The following NF1 variants were observed in gnomAD, a reference collection of about 807,000 sequenced individuals.
NF1 encodes the protein neurofibromin.
In NF1, 122 loss-of-function variants were observed where a neutral mutation model predicts 325.7. That is an observed-to-expected ratio of 0.37 (90% confidence interval 0.32 to 0.44). The LOEUF is 0.44. NF1 is among the 20% of genes least tolerant of loss of function. NF1 has a pLI of 1.00. For missense variants in NF1, 2,140 were observed against 3,415.4 expected, an observed-to-expected ratio of 0.63 and a Z score of 9.31; for synonymous variants, 1,091 against 1,186.0, an observed-to-expected ratio of 0.92 and a Z score of 1.65.
chr17:31,350,881 A>G (rs1403224134), intron 50 of NF1, among the ~76,000 whole-genome samples: 2 of 152,306 alleles, frequency 1.3e-5, no homozygotes, highest in African/African-American at 2.4e-5. Context: ...TGTATTTTCA[A>G]TTAAATAAAA....
At position 31,358,589 on chromosome 17, in the gene NF1, T is replaced by A. The variant is rs876658554; in HGVS notation, c.8080T>A (p.Ser2694Thr). The A allele has an allele frequency of 6.2e-7, 1 of 1,613,958 alleles. No individual in the cohort carries two copies. The highest frequency in any genetic ancestry group is 8.5e-7 in the Non-Finnish European group (1 of 1,179,878). ...GCAGAGTGTGGTGTACCATGAAGAA[T>A]CCCCACCACAATACCAAACATCTTA... Reference protein sequence around the residue: ...IVQSVVYHEESPPQYQTSYLQ... With the variant: ...IVQSVVYHEETPPQYQTSYLQ... Residue 2694 changes from serine (S) to threonine (T), a missense_variant, in exon 55 of 58, where the codon TCC becomes ACC. This residue lies in a region of NF1 where 522 missense variants were observed against 749.0 expected (regional missense o/e 0.70). Transcript: ENST00000358273.
At chr17:31,158,479 G>T (rs1295234974) in intron 2 of NF1, among the ~76,000 whole-genome samples, 1 of 152,036 alleles carries the variant, frequency 6.6e-6, no homozygotes, top group Non-Finnish European at 1.5e-5. Context: ...TAATATTTGG[G>T]ACCCTCTTTT....
At chr17:31,186,355 GC>G (rs1293887502) in intron 8 of NF1, among the ~76,000 whole-genome samples, 3 of 152,210 alleles carry the variant, frequency 2.0e-5, no homozygotes, top group African/African-American at 7.2e-5. Flanking sequence ...AAAGTGGACA[GC>G]TGCAGCACTA....
rs140733963 is a variant in NF1, at chr17:31,336,658, A to T, written c.6171A>T (p.Ile2057=). 31 of 1,613,098 alleles carry T rather than the reference A, an allele frequency of 1.9e-5. No individual in the cohort carries two copies. In the African/African-American group the frequency reaches 3.3e-4, roughly 17 times the overall value. Residue 2057 remains isoleucine, a synonymous_variant, in exon 42 of 58, where the codon ATA becomes ATT. Coordinates refer to ENST00000358273, the MANE Select transcript of NF1 (RefSeq NM_001042492.3). The surrounding 1 kb of genome is among the most constrained non-coding windows in gnomAD (Gnocchi z 5.5). Reference sequence around the variant, plus strand: ...AGGTTATTGGAAGGATGTGCAAAATAATTGACAAGACATGCTTATCTCCAA... The same window carrying T: ...AGGTTATTGGAAGGATGTGCAAAATTATTGACAAGACATGCTTATCTCCAA... ...SSKVIGRMCK[I]IDKTCLSPTP... is the part of the protein sequence containing the mutation.
intron 1 of NF1, among the ~76,000 whole-genome samples, chr17:31,144,302 A>G (rs1230665435): frequency 1.3e-5 from 2 of 152,194 alleles, no homozygotes; most frequent in Non-Finnish European, 2.9e-5. Flanking sequence ...CTTGAGTAAG[A>G]CTGTTTTCTA....
intron 8 of NF1, chr17:31,183,052 A>G (rs2066166996): frequency 4.6e-6 from 2 of 436,380 alleles, no homozygotes; most frequent in Non-Finnish European, 8.0e-6. Flanking sequence ...ATATAGTGCT[A>G]CTGAAATTAT....
At chr17:31,200,351 T>C in intron 8 of NF1, 71 bp from the exon 9 acceptor site, 1 of 1,442,112 alleles carries the variant, frequency 6.9e-7, no homozygotes, top group Non-Finnish European at 9.7e-7. Context: ...GTTAATTTGC[T>C]ATAATATTAG....
At chr17:31,270,982 T>TTTA (rs1277979234) in intron 36 of NF1, among the ~76,000 whole-genome samples, 9 of 152,238 alleles carry the variant, frequency 5.9e-5, no homozygotes, top group African/African-American at 2.2e-4. Context: ...AAGTGTTTCA[T>TTTA]TTATTACTAA....
intron 36 of NF1, among the ~76,000 whole-genome samples, chr17:31,277,532 A>G (rs1347310409): frequency 6.6e-6 from 1 of 152,190 alleles, no homozygotes; most frequent in Non-Finnish European, 1.5e-5. Context: ...TGCCTCTTCA[A>G]ATCCACTCTG....
At chr17:31,288,020 A>ATG (rs2068271735) in intron 36 of NF1, among the ~76,000 whole-genome samples, 1 of 151,878 alleles carries the variant, frequency 6.6e-6, no homozygotes, top group Non-Finnish European at 1.5e-5. Flanking sequence ...AGCATGGCAC[A>ATG]TGTATACATA....
intron 40 of NF1, among the ~76,000 whole-genome samples, chr17:31,335,271 T>TA (rs2151551227): frequency 3.3e-5 from 1 of 30,330 alleles, no homozygotes. Flanking sequence ...CTTCAAGGCA[T>TA]AATTATATAT....
chr17:31,353,322 G>T (rs2070198725), intron 51 of NF1, among the ~76,000 whole-genome samples: 1 of 152,140 alleles, frequency 6.6e-6, no homozygotes, highest in South Asian at 2.1e-4. Flanking sequence ...TTTAGTAACT[G>T]AAAGTAAATG....
chr17:31,352,296 T>G lies in NF1; in HGVS notation c.7497T>G (p.Gly2499=). ...KETQPWSSPK[G]SEGYLAATYP... ...CTCAGCCATGGTCCTCTCCCAAAGGTTCTGAAGGATACCTTGCAGCCACCT... is the reference window on the plus strand; with the variant it reads ...CTCAGCCATGGTCCTCTCCCAAAGGGTCTGAAGGATACCTTGCAGCCACCT... Residue 2499 remains glycine, a synonymous_variant, in exon 51 of 58, where the codon GGT becomes GGG. Transcript: ENST00000358273. 6.2e-7 allele frequency: 1 copy of G among 1,614,128 alleles called. No homozygotes were observed. Among genetic ancestry groups the G allele is most frequent in the Non-Finnish European group, 8.5e-7 (1 of 1,180,014 alleles).
intron 46 of NF1, 118 bp downstream of exon 46, chr17:31,338,923 T>C (rs2069751493): frequency 2.8e-6 from 2 of 719,298 alleles, no homozygotes; most frequent in African/African-American, 3.6e-5. Flanking sequence ...GAAAAAACTA[T>C]AGTTAAAGTA....
intron 11 of NF1, among the ~76,000 whole-genome samples, chr17:31,202,190 A>G (rs1335199400): frequency 6.6e-6 from 1 of 152,192 alleles, no homozygotes; most frequent in Non-Finnish European, 1.5e-5. Flanking sequence ...GTAATAATGA[A>G]CAACCCTATT....
At chr17:31,259,990 C>G (rs1037670547) in intron 33 of NF1, among the ~76,000 whole-genome samples, 7 of 152,104 alleles carry the variant, frequency 4.6e-5, no homozygotes, top group African/African-American at 7.2e-5. Flanking sequence ...ACTCTGTGTA[C>G]CCATACAAAG....
chr17:31,305,760 A>G, intron 36 of NF1: 1 of 765,568 alleles, frequency 1.3e-6, no homozygotes. Context: ...GTAGTTGATT[A>G]GTAGTTATTA....
At position 31,375,537 on chromosome 17, in the gene NF1, C is replaced by T. The variant is rs1265880450; in HGVS notation, c.*1382C>T. 2.2e-5 allele frequency: 5 copies of T among 231,758 alleles called. No individual in the cohort carries two copies. The South Asian group carries it at 5.4e-4, about 25-fold the overall frequency. 14.4% of individuals were successfully genotyped at this position (231,758 alleles called of 1,614,324 possible). A position where few individuals can be genotyped will look rare whatever the true frequency, so the allele number is the denominator to read the frequency against. On this transcript the variant is annotated 3_prime_UTR_variant, in exon 58 of 58. Transcript: ENST00000358273. The stretch of plus-strand genomic sequence containing the variant: ...GTGAGCATATTGGTATCTGGATGTT[C>T]CAATTTAGAACTAAACCATATTTAT...
chr17:31,124,892 T>C (rs7220268), intron 1 of NF1, among the ~76,000 whole-genome samples: 85,036 of 151,242 alleles, frequency 0.56, 26,677 homozygotes, highest in Middle Eastern at 0.77. Flanking sequence ...TGAGCCACCG[T>C]GCCTGGCCTT....
Sources: gnomAD v4.1 joint callset for allele counts (sites outside exome capture counted in the v4.1 genomes callset) on GRCh38, gnomAD v4.1.1 for gene constraint, gnomAD v4.1.1 regional missense constraint, Gnocchi (gnomAD v3.1) non-coding constraint, MANE v1.5 for transcripts, NCBI Gene and HGNC (gene_info 2026-07-23, HGNC 2026-07-21) for gene names.